The following PHACTR1 variants were observed in gnomAD, a reference collection of about 807,000 sequenced individuals.
PHACTR1 encodes the protein RPEL repeat containing 1.
Under a neutral mutation model 69.2 loss-of-function variants are expected in PHACTR1, and 16 were observed. The ratio of observed to expected loss-of-function variants is 0.23; its 90% CI spans 0.16 to 0.35. The LOEUF is 0.35. Among genes scored for constraint, PHACTR1 ranks in the 10% least tolerant of loss-of-function variants. The pLI, the probability that PHACTR1 is intolerant of heterozygous loss-of-function variation, is 1.00. For missense variants in PHACTR1, 510 were observed against 734.7 expected (o/e 0.69, Z 3.54); for synonymous variants, 312 against 284.5 (o/e 1.10, Z -0.97).
intron 4 of PHACTR1, among the ~76,000 whole-genome samples, chr6:12,779,760 T>A (rs1376490730): frequency 6.6e-6 from 1 of 152,220 alleles, no homozygotes; most frequent in Non-Finnish European, 1.5e-5. Flanking sequence ...TGGCATCTTC[T>A]ATGGCAGGGT....
At chr6:13,013,854 A>G (rs1009881469) in intron 4 of PHACTR1, among the ~76,000 whole-genome samples, 252 of 147,894 alleles carry the variant, frequency 1.7e-3, no homozygotes, top group African/African-American at 6.1e-3. Context: ...CGGGGGCCGG[A>G]GCAGCGCCCG....
intron 5 of PHACTR1, among the ~76,000 whole-genome samples, chr6:13,109,795 G>A (rs1816736931): frequency 6.6e-6 from 1 of 150,866 alleles, no homozygotes; most frequent in Admixed American, 6.6e-5. Flanking sequence ...CATTCATATT[G>A]TTTCAGAAAT....
chr6:13,074,933 A>G (rs1456618245), intron 5 of PHACTR1, among the ~76,000 whole-genome samples: 1 of 152,242 alleles, frequency 6.6e-6, no homozygotes, highest in Non-Finnish European at 1.5e-5. Flanking sequence ...GATAGACTGT[A>G]TATATCCACC....
intron 4 of PHACTR1, among the ~76,000 whole-genome samples, chr6:13,047,377 CAAAAAAAAAAAAAA>C (rs35293642): frequency 1.8e-5 from 1 of 54,792 alleles, no homozygotes; most frequent in Non-Finnish European, 3.8e-5. Flanking sequence ...AACCCTGTCT[CAAAAAAAAAAAAAA>C]AAAAAAAAAA....
intron 4 of PHACTR1, among the ~76,000 whole-genome samples, chr6:13,046,377 A>G (rs1583113585): frequency 6.6e-6 from 1 of 152,296 alleles, no homozygotes; most frequent in African/African-American, 2.4e-5. Flanking sequence ...ATGCTCAGCC[A>G]GTATCAGTGT....
At chr6:12,777,091 G>A (rs951395134) in intron 4 of PHACTR1, among the ~76,000 whole-genome samples, 3 of 152,094 alleles carry the variant, frequency 2.0e-5, no homozygotes, top group South Asian at 4.1e-4. Context: ...TAATATATCC[G>A]TGGATTGCTG....
rs535967604 is a variant in PHACTR1 at position 13,098,342 on chromosome 6, C to T, written c.415+44813C>T. Among the ~76,000 whole-genome samples the T allele has an allele frequency of 6.0e-4, 91 of 152,242 alleles. 2 individuals carry two copies. The South Asian group carries it at 0.013, about 22-fold the overall frequency. ...TGTTTCACTGTGCCTTCCTGTTTTTCCTTCTCTCTCCCTTGCTACTCCTCC... is the reference window on the plus strand; with the variant it reads ...TGTTTCACTGTGCCTTCCTGTTTTTTCTTCTCTCTCCCTTGCTACTCCTCC... On this transcript the variant is annotated intron_variant, in intron 5 of 14. Transcript: ENST00000332995.
chr6:12,770,786 G>A (rs1338346025), intron 4 of PHACTR1, among the ~76,000 whole-genome samples: 3 of 152,176 alleles, frequency 2.0e-5, no homozygotes, highest in African/African-American at 7.2e-5. Context: ...TCTGTGCTGG[G>A]GGGTTAGAGG....
chr6:13,066,710 T>A (rs1032762660), intron 5 of PHACTR1, among the ~76,000 whole-genome samples: 1 of 152,100 alleles, frequency 6.6e-6, no homozygotes, highest in East Asian at 1.9e-4. Context: ...GTGGATTGCA[T>A]TGGAGTCATC....
intron 4 of PHACTR1, among the ~76,000 whole-genome samples, chr6:12,839,572 G>T (rs1778490062): frequency 6.6e-6 from 1 of 152,030 alleles, no homozygotes; most frequent in South Asian, 2.1e-4. Flanking sequence ...TGGTCCCACT[G>T]ACCCCTCATA....
At chr6:12,903,442 A>C (rs1188823074) in intron 4 of PHACTR1, among the ~76,000 whole-genome samples, 1 of 152,210 alleles carries the variant, frequency 6.6e-6, no homozygotes, top group Admixed American at 6.5e-5. Context: ...GTTAAAGAAG[A>C]AGCTAAACAA....
intron 4 of PHACTR1, among the ~76,000 whole-genome samples, chr6:13,044,261 A>G (rs1804663233): frequency 6.6e-6 from 1 of 152,190 alleles, no homozygotes; most frequent in Non-Finnish European, 1.5e-5. Flanking sequence ...TTGACATAAT[A>G]GGATCGTTTC....
At chr6:13,259,170 G>T (rs1026942013) in intron 10 of PHACTR1, among the ~76,000 whole-genome samples, 1 of 152,114 alleles carries the variant, frequency 6.6e-6, no homozygotes, top group Non-Finnish European at 1.5e-5. Context: ...AATTTCTGTT[G>T]TAATTAACTA....
intron 4 of PHACTR1, among the ~76,000 whole-genome samples, chr6:12,781,368 C>A (rs1035987327): frequency 6.6e-6 from 1 of 152,190 alleles, no homozygotes; most frequent in Admixed American, 6.5e-5. Context: ...ACTAAATACT[C>A]GTTCCACCCA....
At chr6:13,146,698 A>G (rs992407409) in intron 5 of PHACTR1, among the ~76,000 whole-genome samples, 1 of 152,224 alleles carries the variant, frequency 6.6e-6, no homozygotes, top group African/African-American at 2.4e-5. Context: ...TCCATTCTTC[A>G]GTGCTTTGGG....
chr6:12,933,974 A>G, intron 4 of PHACTR1: 1 of 1,553,632 alleles, frequency 6.4e-7, no homozygotes, highest in Non-Finnish European at 8.7e-7. Flanking sequence ...TGCTGTAACA[A>G]AGTACCACAA....
At chr6:12,947,336 T>A (rs944482110) in intron 4 of PHACTR1, among the ~76,000 whole-genome samples, 10 of 128,068 alleles carry the variant, frequency 7.8e-5, no homozygotes, top group African/African-American at 2.8e-4. Flanking sequence ...AACATAACTA[T>A]TCTGCTTTTT....
At chr6:12,879,455 T>C (rs1004362832) in intron 4 of PHACTR1, among the ~76,000 whole-genome samples, 5 of 152,114 alleles carry the variant, frequency 3.3e-5, no homozygotes, top group African/African-American at 9.7e-5. Flanking sequence ...GCATTTACAC[T>C]CACCTTCCCC....
chr6:13,286,925 T>C, intron 14 of PHACTR1, 138 bp from the exon 15 acceptor site: 1 of 859,842 alleles, frequency 1.2e-6, no homozygotes, highest in South Asian at 1.7e-5. Flanking sequence ...TGTTCAGTGG[T>C]ACTCCTGTGG....
Sources: gnomAD v4.1 joint callset for allele counts (sites outside exome capture counted in the v4.1 genomes callset) on GRCh38, gnomAD v4.1.1 for gene constraint, MANE v1.5 for transcripts, NCBI Gene and HGNC (gene_info 2026-07-23, HGNC 2026-07-21) for gene names.